Variants in PDLIM7 observed in about 807,000 individuals in gnomAD.
The protein encoded by PDLIM7 is PDZ and LIM domain protein 7.
In PDLIM7, 37 loss-of-function variants were observed where a neutral mutation model predicts 53.9. The observed-to-expected ratio is 0.69, with a 90% confidence interval of 0.53 to 0.90. The LOEUF (loss-of-function observed/expected upper bound fraction) is 0.90, where lower values mean the gene tolerates loss of function less well. Ranked by LOEUF, PDLIM7 falls within the 40% of genes least tolerant of loss-of-function variation. PDLIM7 has a pLI of 0.00. For synonymous variants in PDLIM7, 300 were observed against 261.3 expected, an observed-to-expected ratio of 1.15 and a Z score of -1.43; for missense variants, 617 against 638.5, an observed-to-expected ratio of 0.97 and a Z score of 0.36.
At chr5:177,490,225 A>G (rs554857869) in intron 7 of PDLIM7, 3 of 1,448,244 alleles carry the variant, frequency 2.1e-6, no homozygotes, top group East Asian at 2.5e-5. Context: ...GTCCACAAAG[A>G]TAGAAGACAG....
chr5:177,486,017 C>T (rs1055817059), intron 10 of PDLIM7, among the ~76,000 whole-genome samples: 2 of 152,108 alleles, frequency 1.3e-5, no homozygotes, highest in Non-Finnish European at 2.9e-5. Flanking sequence ...CAGGAGATCT[C>T]ACTTTCCCTC....
chr5:177,491,529 G>A (rs1432743073), intron 5 of PDLIM7: 8 of 905,716 alleles, frequency 8.8e-6, no homozygotes, highest in Non-Finnish European at 1.4e-5. Flanking sequence ...GCGGCACTGA[G>A]TGTCTGGGGC....
chr5:177,487,425 T>G (rs1329224785), intron 10 of PDLIM7, among the ~76,000 whole-genome samples: 1 of 152,254 alleles, frequency 6.6e-6, no homozygotes, highest in Admixed American at 6.5e-5. Context: ...CTGTCCCCTT[T>G]CTTCTCCTTC....
chr5:177,491,971 G>C (rs993808716), intron 4 of PDLIM7, 46 bp from the exon 5 acceptor site: 3 of 806,392 alleles, frequency 3.7e-6, no homozygotes, highest in Non-Finnish European at 5.3e-6. Context: ...AGGGTAAGGT[G>C]GGGGCCTGGG....
chr5:177,491,007 T>TA lies in PDLIM7; in HGVS notation c.535+2dup, dbSNP rs776222578. 6.2e-7 allele frequency: 1 copy of TA among 1,613,718 alleles called. No homozygotes were observed. The highest frequency in any genetic ancestry group is 8.5e-7 in the Non-Finnish European group (1 of 1,179,804). ...GTACCCCCTGCCCTGGGCTGGCACT[T>TA]ACTGAACTCGGTGCCTGTGAGGTGG... On this transcript the variant is annotated splice_region_variant and intron_variant, in intron 6 of 12. Coordinates refer to ENST00000355841, the MANE Select transcript of PDLIM7 (RefSeq NM_005451.5).
rs116833748 is a variant in PDLIM7 at position 177,489,675 on chromosome 5, C to T, written c.635-48G>A. The T allele has an allele frequency of 4.5e-3, 6,779 of 1,508,312 alleles. 162 individuals carry two copies. The African/African-American group carries it at 0.065, about 14-fold the overall frequency. 93.4% of individuals were successfully genotyped at this position (1,508,312 alleles called of 1,614,324 possible). A position where few individuals can be genotyped will look rare whatever the true frequency, so the allele number is the denominator to read the frequency against. ...AGGGGTGCCCAGGGACCCCAAAGGA[C>T]GGGGGTGGAGCCCCAGGCAGCTGAG... On this transcript the variant is annotated intron_variant, in intron 8 of 12. Coordinates refer to ENST00000355841, the MANE Select transcript of PDLIM7 (RefSeq NM_005451.5).
intron 4 of PDLIM7, 83 bp from the exon 5 acceptor site, chr5:177,492,008 A>G: frequency 1.6e-6 from 1 of 636,260 alleles, no homozygotes; most frequent in African/African-American, 1.9e-5. Flanking sequence ...GCAGCAGAGG[A>G]CAGCGGCAGC....
At chr5:177,487,018 T>A (rs148155263) in intron 10 of PDLIM7, among the ~76,000 whole-genome samples, 1 of 122,894 alleles carries the variant, frequency 8.1e-6, no homozygotes, top group African/African-American at 3.0e-5. Context: ...CACTGCAACC[T>A]CCACCTCTCA....
At chr5:177,486,586 C>G (rs1758450849) in intron 10 of PDLIM7, among the ~76,000 whole-genome samples, 1 of 151,282 alleles carries the variant, frequency 6.6e-6, no homozygotes, top group African/African-American at 2.5e-5. Context: ...GGGGGCTCTA[C>G]CAGGGGTGTG....
At chr5:177,494,403 G>A (rs1758961387) in intron 2 of PDLIM7, among the ~76,000 whole-genome samples, 1 of 152,206 alleles carries the variant, frequency 6.6e-6, no homozygotes, top group African/African-American at 2.4e-5. Flanking sequence ...ATGGGGAAGT[G>A]ACACCCCAGA....
At chr5:177,492,492 G>C (rs773394669) in intron 3 of PDLIM7, 34 bp downstream of exon 3, 1 of 1,613,550 alleles carries the variant, frequency 6.2e-7, no homozygotes, top group African/African-American at 1.3e-5. Context: ...CCCACTGCCA[G>C]CGCGGGCGCA....
chr5:177,492,473 G>A (rs1204733952), intron 3 of PDLIM7, 38 bp from the exon 4 acceptor site: 14 of 1,613,490 alleles, frequency 8.7e-6, no homozygotes, highest in African/African-American at 1.3e-5. Context: ...GGCCGGGCCC[G>A]CAGGGATCCC....
At chr5:177,492,115 C>T (rs1758827926) in intron 4 of PDLIM7, 190 bp from the exon 5 acceptor site, 1 of 502,918 alleles carries the variant, frequency 2.0e-6, no homozygotes, top group South Asian at 2.9e-5. Flanking sequence ...GAGTGGCGAT[C>T]TCAGTCCACG....
intron 2 of PDLIM7, 52 bp downstream of exon 2, chr5:177,496,365 C>T: frequency 7.3e-7 from 1 of 1,373,454 alleles, no homozygotes; most frequent in Non-Finnish European, 9.8e-7. Context: ...CCTCTGGAGA[C>T]CTAAGCACCG....
At chr5:177,491,735 AGCAGCGG>A (rs1332901440) in intron 5 of PDLIM7, 65 bp downstream of exon 5, 2 of 763,186 alleles carry the variant, frequency 2.6e-6, no homozygotes, top group Non-Finnish European at 3.7e-6. Context: ...CAGACTGAGC[AGCAGCGG>A]GCAGCGGGCG....
rs778635224 is a variant in PDLIM7 at position 177,489,453 on chromosome 5, G to A, written c.809C>T (p.Pro270Leu). 6.2e-7 allele frequency: 1 copy of A among 1,604,572 alleles called. No individual in the cohort carries two copies. The highest frequency in any genetic ancestry group is 1.1e-5 in the South Asian group (1 of 89,386). The change falls in exon 9 of 13, where the codon CCA (proline) becomes CTA (leucine). Residue 270 changes from proline to leucine, a missense_variant. Coordinates refer to ENST00000355841, the MANE Select transcript of PDLIM7 (RefSeq NM_005451.5). The part of the protein sequence containing the change: ...SIVQAAAGGV[P>L]GGGSNNGKTP... ...CTTGCCGTTGTTGCTGCCCCCTCCT[G>A]GCACCCCTCCGGCAGCTGCCTGCAC...
chr5:177,491,562 C>T, intron 5 of PDLIM7: 5 of 759,090 alleles, frequency 6.6e-6, no homozygotes, highest in Admixed American at 2.1e-5. Context: ...ACACCACAAC[C>T]CAACCCCCAG....
chr5:177,491,603 G>C (rs973597170), intron 5 of PDLIM7, among the ~76,000 whole-genome samples: 3 of 151,964 alleles, frequency 2.0e-5, no homozygotes, highest in African/African-American at 7.3e-5. Flanking sequence ...GTCATTCAGA[G>C]ACCCCTCCCC....
Position 177,483,996 on chromosome 5 carries a change from CAG to C in PDLIM7, c.1172-16_1172-15del. 1 of 1,613,324 alleles carries C rather than the reference CAG, an allele frequency of 6.2e-7. No individual in the cohort carries two copies. Among genetic ancestry groups the C allele is most frequent in the Non-Finnish European group, 8.5e-7 (1 of 1,179,560 alleles). ...TCTTCTCATAGTCTGAGAATGGGGG[CAG>C]AGAGAAAGAGGACCTGGATTCATGC... On this transcript the variant is annotated splice_polypyrimidine_tract_variant and intron_variant, in intron 11 of 12. Transcript: ENST00000355841.
Sources: allele counts gnomAD v4.1 joint callset (sites outside exome capture counted in the v4.1 genomes callset), GRCh38; gene constraint gnomAD v4.1.1; transcripts MANE v1.5; gene names NCBI Gene and HGNC (gene_info 2026-07-23, HGNC 2026-07-21).